The following GPC5 variants were observed in gnomAD, a reference collection of about 807,000 sequenced individuals.
GPC5 encodes the protein glypican 5.
Under a neutral mutation model 53.9 loss-of-function variants are expected in GPC5, and 47 were observed. That is an observed-to-expected ratio of 0.87 (90% CI 0.69 to 1.11). The LOEUF is 1.11. Ranked by LOEUF, GPC5 falls within the 50% of genes most tolerant of loss-of-function variation. The probability of loss-of-function intolerance (pLI) is 0.00; values close to 1 mark genes in which losing one functional copy is unlikely to be tolerated. For missense variants in GPC5, 748 were observed against 713.1 expected, an observed-to-expected ratio of 1.05 and a Z score of -0.56; for synonymous variants, 286 against 263.3, an observed-to-expected ratio of 1.09 and a Z score of -0.84.
At chr13:91,910,596 C>T (rs2039600868) in intron 6 of GPC5, among the ~76,000 whole-genome samples, 2 of 152,178 alleles carry the variant, frequency 1.3e-5, no homozygotes, top group African/African-American at 4.8e-5. Context: ...AAATTGCCTG[C>T]ATACACTCAC....
intron 7 of GPC5, among the ~76,000 whole-genome samples, chr13:92,485,824 G>T (rs1340597458): frequency 1.3e-5 from 2 of 152,268 alleles, no homozygotes; most frequent in African/African-American, 4.8e-5. Context: ...AAATTAGCCA[G>T]ACTTGGTGGT....
chr13:91,917,753 T>C (rs1414602562), intron 6 of GPC5, among the ~76,000 whole-genome samples: 1 of 152,186 alleles, frequency 6.6e-6, no homozygotes, highest in Non-Finnish European at 1.5e-5. Flanking sequence ...CCCAACAAGT[T>C]CCTCATCTCC....
intron 5 of GPC5, among the ~76,000 whole-genome samples, chr13:91,845,582 G>C (rs1362155978): frequency 1.3e-5 from 2 of 152,070 alleles, no homozygotes; most frequent in East Asian, 3.9e-4. Context: ...ACTTTCATGA[G>C]TAAATATAGT....
chr13:91,548,781 C>A (rs924005285), intron 2 of GPC5, among the ~76,000 whole-genome samples: 1 of 152,046 alleles, frequency 6.6e-6, no homozygotes, highest in African/African-American at 2.4e-5. Flanking sequence ...AATGGGGACC[C>A]CAGAAATAGA....
At chr13:92,802,684 A>C (rs1876953390) in intron 7 of GPC5, among the ~76,000 whole-genome samples, 1 of 151,882 alleles carries the variant, frequency 6.6e-6, no homozygotes, top group African/African-American at 2.4e-5. Context: ...TTATGGCTGC[A>C]AACTATCGCA....
At chr13:92,443,171 G>A (rs1280411962) in intron 7 of GPC5, among the ~76,000 whole-genome samples, 2 of 152,250 alleles carry the variant, frequency 1.3e-5, no homozygotes, top group East Asian at 3.9e-4. Context: ...AGAGAGAGGG[G>A]AGGAAGTCCC....
chr13:92,408,533 G>T (rs943336495), intron 7 of GPC5, among the ~76,000 whole-genome samples: 1 of 151,876 alleles, frequency 6.6e-6, no homozygotes, highest in African/African-American at 2.4e-5. Flanking sequence ...CTATATTTGT[G>T]CAGTGATAGA....
rs576215937 is a variant in GPC5 at position 92,020,623 on chromosome 13, T to C, written c.1401+112566T>C. On this transcript the variant is annotated intron_variant, in intron 6 of 7. Transcript: ENST00000377067. ...TATTTATATACCTGTTGGCCATTTGTATATTTTCTTTGGAGAAATGTGTGT... is the reference window on the plus strand; with the variant it reads ...TATTTATATACCTGTTGGCCATTTGCATATTTTCTTTGGAGAAATGTGTGT... Among the ~76,000 whole-genome samples, 378 of 152,194 alleles carry C rather than the reference T, an allele frequency of 2.5e-3. 3 individuals carry two copies. Among genetic ancestry groups the C allele is most frequent in the African/African-American group, 8.4e-3 (351 of 41,564 alleles).
intron 1 of GPC5, among the ~76,000 whole-genome samples, chr13:91,439,927 A>G (rs887326589): frequency 2.6e-5 from 4 of 152,222 alleles, no homozygotes; most frequent in Non-Finnish European, 5.9e-5. Flanking sequence ...TCATCATTGC[A>G]ATAAAATTCT....
intron 7 of GPC5, among the ~76,000 whole-genome samples, chr13:92,862,329 T>C (rs1169576633): frequency 6.6e-6 from 1 of 152,178 alleles, no homozygotes; most frequent in East Asian, 1.9e-4. Flanking sequence ...TTAAAAGTGT[T>C]CTTTGTAATA....
chr13:92,193,973 G>T (rs908776957), intron 7 of GPC5, among the ~76,000 whole-genome samples: 1 of 152,056 alleles, frequency 6.6e-6, no homozygotes, highest in Non-Finnish European at 1.5e-5. Context: ...TTTTGAATCT[G>T]CAGTGTTTAG....
chr13:91,650,282 C>T (rs756562700), intron 2 of GPC5, among the ~76,000 whole-genome samples: 4 of 152,168 alleles, frequency 2.6e-5, no homozygotes, highest in Non-Finnish European at 5.9e-5. Flanking sequence ...ACCCATCTCT[C>T]ACTTGTGTCC....
rs193037488 is a variant in GPC5 at position 92,783,934 on chromosome 13, C to G, written c.1562-82348C>G. ...GAACCCATTTTACTTCTGTTTAAAT[C>G]CAGTAACTGAAAATGATCATCCCCC... On this transcript the variant is annotated intron_variant, in intron 7 of 7. Coordinates refer to ENST00000377067, the MANE Select transcript of GPC5 (RefSeq NM_004466.6). Among the ~76,000 whole-genome samples, 47 of 152,166 alleles carry G rather than the reference C, an allele frequency of 3.1e-4. No homozygotes were observed. The East Asian group carries it at 5.4e-3, about 18-fold the overall frequency.
intron 5 of GPC5, among the ~76,000 whole-genome samples, chr13:91,786,271 A>G (rs565733638): frequency 2.0e-5 from 3 of 152,308 alleles, no homozygotes; most frequent in East Asian, 1.9e-4. Context: ...CTGGGATTAC[A>G]GGCGTGAGCC....
chr13:91,498,918 C>CGAA (rs1884460196), intron 2 of GPC5, among the ~76,000 whole-genome samples: 1 of 151,636 alleles, frequency 6.6e-6, no homozygotes, highest in Non-Finnish European at 1.5e-5. Flanking sequence ...TTGCAGTGAG[C>CGAA]GAAGATCTTA....
intron 6 of GPC5, among the ~76,000 whole-genome samples, chr13:92,139,680 A>AAAAAAAAAGGG (rs532196727): frequency 7.1e-6 from 1 of 140,808 alleles, no homozygotes; most frequent in Non-Finnish European, 1.5e-5. Flanking sequence ...AAAAAAAAAA[A>AAAAAAAAAGGG]AAAAAGTGTT....
intron 3 of GPC5, among the ~76,000 whole-genome samples, chr13:91,700,149 G>A (rs1016062249): frequency 6.6e-6 from 1 of 152,056 alleles, no homozygotes; most frequent in African/African-American, 2.4e-5. Flanking sequence ...GCATGTGTGG[G>A]CTGTGCTAGT....
intron 6 of GPC5, among the ~76,000 whole-genome samples, chr13:92,092,264 G>A (rs566131940): frequency 2.6e-5 from 4 of 152,090 alleles, no homozygotes; most frequent in African/African-American, 7.2e-5. Flanking sequence ...ACATATATTT[G>A]TATCTCATTA....
intron 7 of GPC5, among the ~76,000 whole-genome samples, chr13:92,554,454 T>C (rs971299502): frequency 6.6e-6 from 1 of 151,684 alleles, no homozygotes; most frequent in Non-Finnish European, 1.5e-5. Context: ...TGTATTTCTA[T>C]TGTATTTTCC....
Sources: gnomAD v4.1 joint callset for allele counts (sites outside exome capture counted in the v4.1 genomes callset) on GRCh38, gnomAD v4.1.1 for gene constraint, MANE v1.5 for transcripts, NCBI Gene and HGNC (gene_info 2026-07-23, HGNC 2026-07-21) for gene names.